Variants in YEATS2 observed in about 807,000 individuals in gnomAD.
YEATS2 encodes the protein YEATS domain-containing protein 2.
Under a neutral mutation model 163.2 loss-of-function variants are expected in YEATS2, and 77 were observed. The observed-to-expected ratio is 0.47, with a 90% CI of 0.39 to 0.57. YEATS2 has a LOEUF of 0.57. YEATS2 is among the 20% of genes least tolerant of loss of function. The pLI, the probability that YEATS2 is intolerant of heterozygous loss-of-function variation, is 0.00. For missense variants in YEATS2, 1,549 were observed against 1,729.8 expected (o/e 0.90, Z 1.85); for synonymous variants, 631 against 645.1 (o/e 0.98, Z 0.33).
At chr3:183,753,048 T>G (rs1720353197) in intron 10 of YEATS2, among the ~76,000 whole-genome samples, 1 of 152,102 alleles carries the variant, frequency 6.6e-6, no homozygotes, top group South Asian at 2.1e-4. Context: ...TCCACCCACC[T>G]TGGCCTCCCA....
intron 28 of YEATS2, chr3:183,807,555 C>T (rs1726344334): frequency 8.6e-6 from 2 of 232,580 alleles, no homozygotes; most frequent in South Asian, 5.9e-5. Context: ...CCTTACTATA[C>T]AGGAGAGAGG....
chr3:183,790,851 T>A lies in YEATS2; in HGVS notation c.2968T>A (p.Ser990Thr), dbSNP rs749073464. The A allele has an allele frequency of 3.2e-5, 51 of 1,614,100 alleles. No homozygotes were observed. The highest frequency in any genetic ancestry group is 4.3e-5 in the Non-Finnish European group (51 of 1,180,030). ...SSTVSSVTKTSGQQQVCVSQA... is the reference protein window; with the variant it reads ...SSTVSSVTKTTGQQQVCVSQA... ...TACGGTCAGTTCTGTAACGAAAACT[T>A]CTGGGCAGCAGCAAGTGTGTGTGAG... is the stretch of plus-strand genomic sequence containing the variant. Residue 990 changes from serine (S) to threonine (T), a missense_variant, in exon 21 of 31, where the codon TCT becomes ACT. Transcript: ENST00000305135.
rs752976570 is a variant in YEATS2 at position 183,775,368 on chromosome 3, C to T, written c.2369-547C>T. ...ATCCCAGCACTTTGGAGGGCCAAGG[C>T]GGGCGGATCATGAGGTCAGGAGATC... On this transcript the variant is annotated intron_variant, in intron 17 of 30. Transcript: ENST00000305135. 4.2e-4 allele frequency among the ~76,000 whole-genome samples: 64 copies of T among 152,166 alleles called. 2 individuals are homozygous for T. Among genetic ancestry groups the T allele is most frequent in the Non-Finnish European group, 2.5e-4 (17 of 68,036 alleles).
chr3:183,782,146 G>C (rs1309003460), intron 19 of YEATS2, among the ~76,000 whole-genome samples: 1 of 151,952 alleles, frequency 6.6e-6, no homozygotes, highest in Admixed American at 6.5e-5. Flanking sequence ...TTTCGCTCTT[G>C]TTGCCCAGGC....
At position 183,733,415 on chromosome 3, in the gene YEATS2, A is replaced by G. The variant is rs564670603; in HGVS notation, c.813-3303A>G. On this transcript the variant is annotated intron_variant, in intron 7 of 30. Transcript: ENST00000305135. ...TTTGTTTTATGTTCCTTTGCCATTC[A>G]GGTTGTATTCTTTGGTATACTCCAG... 5.9e-5 allele frequency among the ~76,000 whole-genome samples: 9 copies of G among 152,298 alleles called. No individual in the cohort carries two copies. The South Asian group carries it at 1.9e-3, about 32-fold the overall frequency.
intron 27 of YEATS2, chr3:183,806,286 G>A (rs1726187977): frequency 2.2e-6 from 1 of 456,026 alleles, no homozygotes; most frequent in Non-Finnish European, 4.4e-6. Flanking sequence ...AAAACAAAAG[G>A]CCAGGAGCTG....
chr3:183,779,461 T>G (rs1472931176), intron 19 of YEATS2, among the ~76,000 whole-genome samples: 3 of 152,212 alleles, frequency 2.0e-5, no homozygotes, highest in Non-Finnish European at 4.4e-5. Context: ...CAGTTCCTGT[T>G]GCCCCTCCCT....
chr3:183,737,894 A>G (rs948885666), intron 8 of YEATS2, among the ~76,000 whole-genome samples: 1 of 152,344 alleles, frequency 6.6e-6, no homozygotes, highest in Admixed American at 6.5e-5. Context: ...GATTTGTGGC[A>G]ACCCTCTGTC....
intron 4 of YEATS2, among the ~76,000 whole-genome samples, chr3:183,720,217 G>A (rs1560231272): frequency 6.6e-6 from 1 of 152,064 alleles, no homozygotes; most frequent in South Asian, 2.1e-4. Context: ...AATTATAAAG[G>A]AATGTTTTTT....
intron 19 of YEATS2, among the ~76,000 whole-genome samples, chr3:183,785,773 G>T (rs528455143): frequency 8.5e-5 from 13 of 152,318 alleles, no homozygotes; most frequent in African/African-American, 2.9e-4. Flanking sequence ...ATCTGGCCCT[G>T]TCTAGGGTTG....
intron 30 of YEATS2, 105 bp from the exon 31 acceptor site, chr3:183,810,370 A>G: frequency 9.7e-7 from 1 of 1,035,822 alleles, no homozygotes; most frequent in Non-Finnish European, 1.5e-6. Context: ...AGCCCTCTCC[A>G]CGGGGCCTCT....
At chr3:183,804,688 TA>T (rs758560952) in intron 27 of YEATS2, among the ~76,000 whole-genome samples, 1 of 152,116 alleles carries the variant, frequency 6.6e-6, no homozygotes, top group South Asian at 2.1e-4. Context: ...TGTTTCACGA[TA>T]AAAAAACAGA....
intron 8 of YEATS2, among the ~76,000 whole-genome samples, chr3:183,740,617 G>A (rs542554006): frequency 7.7e-4 from 117 of 152,344 alleles, no homozygotes; most frequent in African/African-American, 2.6e-3. Flanking sequence ...GACTGAGAGG[G>A]GTGAGGAAGC....
At chr3:183,786,608 C>A (rs542138438) in intron 20 of YEATS2, among the ~76,000 whole-genome samples, 2 of 152,214 alleles carry the variant, frequency 1.3e-5, no homozygotes, top group Admixed American at 1.3e-4. Context: ...TCTAGGCGAC[C>A]GCTGACCTAC....
chr3:183,732,959 C>T (rs1353273429), intron 7 of YEATS2, among the ~76,000 whole-genome samples: 2 of 151,610 alleles, frequency 1.3e-5, no homozygotes, highest in South Asian at 2.1e-4. Context: ...CTCCTGGGCT[C>T]GAACTGTCCT....
chr3:183,756,816 G>T, intron 12 of YEATS2, 127 bp downstream of exon 12: 3 of 886,748 alleles, frequency 3.4e-6, no homozygotes, highest in South Asian at 1.1e-4. Flanking sequence ...GCGAGAATAA[G>T]TAAAAGGAAA....
chr3:183,755,572 A>G (rs996593408), intron 11 of YEATS2, among the ~76,000 whole-genome samples: 39 of 152,290 alleles, frequency 2.6e-4, no homozygotes, highest in African/African-American at 9.1e-4. Context: ...AACTGTCAGT[A>G]ACTTTTGAGA....
intron 1 of YEATS2, among the ~76,000 whole-genome samples, chr3:183,713,098 CTGTAAG>C (rs1256107972): frequency 3.9e-5 from 6 of 152,034 alleles, no homozygotes; most frequent in Non-Finnish European, 8.8e-5. Flanking sequence ...TTAAGATGTC[CTGTAAG>C]TGTAAAATAC....
At chr3:183,756,766 A>G (rs1720815635) in intron 12 of YEATS2, 77 bp downstream of exon 12, 2 of 1,247,954 alleles carry the variant, frequency 1.6e-6, no homozygotes, top group African/African-American at 3.1e-5. Context: ...ATGACTTGGT[A>G]GCCATGTAAT....
Sources: gnomAD v4.1 joint callset for allele counts (sites outside exome capture counted in the v4.1 genomes callset) on GRCh38, gnomAD v4.1.1 for gene constraint, MANE v1.5 for transcripts, NCBI Gene and HGNC (gene_info 2026-07-23, HGNC 2026-07-21) for gene names.